NLRP1: variants seen among roughly 807,000 people sequenced by gnomAD.
NLRP1 encodes the protein NACHT, LRR and PYD domains-containing protein 1.
NLRP1 carries 94 observed loss-of-function variants against 136.7 expected under a neutral mutation model. The ratio of observed to expected loss-of-function variants is 0.69; its 90% CI spans 0.58 to 0.82. The LOEUF (loss-of-function observed/expected upper bound fraction) is 0.82, where lower values mean the gene tolerates loss of function less well. Ranked by LOEUF, NLRP1 falls within the 40% of genes least tolerant of loss-of-function variation. NLRP1 has a pLI of 0.00. For synonymous variants in NLRP1, 690 were observed against 725.1 expected (o/e 0.95, Z 0.78); for missense variants, 1,575 against 1,802.7 (o/e 0.87, Z 2.29).
intron 14 of NLRP1, among the ~76,000 whole-genome samples, chr17:5,518,859 G>T (rs1181697717): frequency 7.0e-6 from 1 of 142,734 alleles, no homozygotes; most frequent in Non-Finnish European, 1.5e-5. Context: ...TTTTTTTTGA[G>T]ACAGGGTCTT....
chr17:5,548,842 C>A (rs1912993158), intron 5 of NLRP1, among the ~76,000 whole-genome samples: 2 of 152,288 alleles, frequency 1.3e-5, no homozygotes, highest in South Asian at 4.2e-4. Context: ...TCCCTTTCAT[C>A]TATGTGGCCC....
intron 6 of NLRP1, among the ~76,000 whole-genome samples, chr17:5,539,991 G>A (rs905735169): frequency 1.3e-5 from 2 of 152,200 alleles, no homozygotes; most frequent in Non-Finnish European, 2.9e-5. Context: ...GAGCCACCGT[G>A]CCCGGCCGGT....
At position 5,580,445 on chromosome 17, in the gene NLRP1, A is replaced by G. The variant is rs575495355; in HGVS notation, c.652+1414T>C. 5.9e-5 allele frequency among the ~76,000 whole-genome samples: 9 copies of G among 152,090 alleles called. No individual in the cohort carries two copies. The East Asian group carries it at 1.7e-3, about 29-fold the overall frequency. On this transcript the variant is annotated intron_variant, in intron 3 of 16. Coordinates refer to ENST00000572272, the MANE Select transcript of NLRP1 (RefSeq NM_033004.4). ...AAAGTTTGTTGTTGTTTTTTTTTTAAGTTCCCTATTTGAAGAATTCCCTTA... is the reference window on the plus strand; with the variant it reads ...AAAGTTTGTTGTTGTTTTTTTTTTAGGTTCCCTATTTGAAGAATTCCCTTA...
chr17:5,544,753 T>C (rs996654695), intron 5 of NLRP1, among the ~76,000 whole-genome samples: 3 of 152,214 alleles, frequency 2.0e-5, no homozygotes, highest in African/African-American at 7.2e-5. Context: ...TCATTTTGTA[T>C]TGGGTCCTGA....
chr17:5,572,186 C>T (rs1192622328), intron 3 of NLRP1, among the ~76,000 whole-genome samples: 1 of 152,114 alleles, frequency 6.6e-6, no homozygotes, highest in Non-Finnish European at 1.5e-5. Context: ...AACATAGGTC[C>T]TGGCAAAAAT....
intron 12 of NLRP1, 95 bp downstream of exon 12, chr17:5,530,386 G>T: frequency 8.6e-7 from 1 of 1,166,246 alleles, no homozygotes; most frequent in Non-Finnish European, 1.3e-6. Flanking sequence ...CTCTAAGGAA[G>T]CCACAACACC....
chr17:5,530,342 CTT>C, intron 12 of NLRP1, 137 bp downstream of exon 12: 2 of 674,880 alleles, frequency 3.0e-6, no homozygotes, highest in South Asian at 3.7e-5. Flanking sequence ...GCAGGAAAAT[CTT>C]AGTCCCCATC....
At chr17:5,574,451 A>G (rs1904792198) in intron 3 of NLRP1, among the ~76,000 whole-genome samples, 1 of 152,192 alleles carries the variant, frequency 6.6e-6, no homozygotes, top group Non-Finnish European at 1.5e-5. Context: ...CAGGAGCTAC[A>G]GAGAACACCA....
chr17:5,502,290 C>T, intron 15 of NLRP1: 1 of 144,684 alleles, frequency 6.9e-6, no homozygotes, highest in Non-Finnish European at 1.3e-5. Context: ...TGGTGCAGTT[C>T]CTTTTTTTTT....
At position 5,519,630 on chromosome 17, in the gene NLRP1, T is replaced by G. The variant is rs568082151; in HGVS notation, c.3915+1251A>C. ...CCCCACTAATTTTTTGTATTTTTAG[T>G]AGAGACAGGTTTTCACTATGTTGGT... On this transcript the variant is annotated intron_variant, in intron 14 of 16. Coordinates refer to ENST00000572272, the MANE Select transcript of NLRP1 (RefSeq NM_033004.4). 9.9e-5 allele frequency among the ~76,000 whole-genome samples: 15 copies of G among 151,502 alleles called. No homozygotes were observed. The South Asian group carries it at 3.1e-3, about 32-fold the overall frequency.
chr17:5,563,226 ATCT>A (rs1473058261), intron 3 of NLRP1, among the ~76,000 whole-genome samples: 1 of 152,240 alleles, frequency 6.6e-6, no homozygotes, highest in Admixed American at 6.5e-5. Flanking sequence ...GTGTCTTCCT[ATCT>A]CCAGATGTGT....
intron 5 of NLRP1, among the ~76,000 whole-genome samples, chr17:5,543,485 A>G (rs1393920954): frequency 1.3e-5 from 2 of 152,162 alleles, no homozygotes; most frequent in East Asian, 3.9e-4. Flanking sequence ...GGATGTCATT[A>G]TAAGATGTTT....
At chr17:5,530,791 A>T (rs1034099468) in intron 11 of NLRP1, 87 bp from the exon 12 acceptor site, 2 of 1,011,752 alleles carry the variant, frequency 2.0e-6, no homozygotes, top group Non-Finnish European at 3.0e-6. Flanking sequence ...GGGCTTGCGG[A>T]TACGGTACAG....
intron 5 of NLRP1, among the ~76,000 whole-genome samples, chr17:5,545,789 C>A: frequency 6.6e-6 from 1 of 152,220 alleles, no homozygotes; most frequent in Non-Finnish European, 1.5e-5. Flanking sequence ...TGGCTGTCTC[C>A]TGCCAGCCCA....
At chr17:5,546,011 C>T (rs1279705853) in intron 5 of NLRP1, among the ~76,000 whole-genome samples, 2 of 152,212 alleles carry the variant, frequency 1.3e-5, no homozygotes, top group Non-Finnish European at 2.9e-5. Flanking sequence ...CACTCCCAAG[C>T]CCCAGTGAAG....
rs371730973 is a variant in NLRP1, at chr17:5,553,486, G to C, written c.2428C>G (p.Leu810Val). The C allele has an allele frequency of 6.2e-7, 1 of 1,614,060 alleles. No homozygotes were observed. Among genetic ancestry groups the C allele is most frequent in the Non-Finnish European group, 8.5e-7 (1 of 1,180,032 alleles). ...TTTCCACTTAGGTCCAGCTCCTTCAGGTTTCTGGTGACCTTGAGGACGGAG... is the reference window on the plus strand; with the variant it reads ...TTTCCACTTAGGTCCAGCTCCTTCACGTTTCTGGTGACCTTGAGGACGGAG... ...LFSVLKVTRN[L>V]KELDLSGNSL... The change falls in exon 5 of 17, where the codon CTG (leucine) becomes GTG (valine). Residue 810 changes from leucine (L) to valine (V), a missense_variant. By Grantham distance (32) the Leu-to-Val change is conservative. Coordinates refer to ENST00000572272, the MANE Select transcript of NLRP1 (RefSeq NM_033004.4).
chr17:5,557,030 G>A (rs1914171749), intron 4 of NLRP1, among the ~76,000 whole-genome samples: 1 of 152,102 alleles, frequency 6.6e-6, no homozygotes, highest in South Asian at 2.1e-4. Context: ...TTGAGACGGA[G>A]TCTGGCTCTG....
intron 11 of NLRP1, among the ~76,000 whole-genome samples, chr17:5,532,227 A>G (rs1409772699): frequency 6.6e-6 from 1 of 152,198 alleles, no homozygotes; most frequent in Non-Finnish European, 1.5e-5. Flanking sequence ...AGCCTGAGTG[A>G]CAGAGCAAGA....
chr17:5,518,048 T>C, intron 14 of NLRP1, 161 bp from the exon 15 acceptor site: 1 of 660,678 alleles, frequency 1.5e-6, no homozygotes, highest in Non-Finnish European at 2.6e-6. Context: ...TTCCCAATTT[T>C]CCACAGAAGG....
Sources: gnomAD v4.1 joint callset for allele counts (sites outside exome capture counted in the v4.1 genomes callset) on GRCh38, gnomAD v4.1.1 for gene constraint, MANE v1.5 for transcripts, NCBI Gene and HGNC (gene_info 2026-07-23, HGNC 2026-07-21) for gene names.